Variants in PPP3CA observed in about 807,000 individuals in gnomAD.
PPP3CA encodes the protein CAM-PRP catalytic subunit.
Under a neutral mutation model 66.5 loss-of-function variants are expected in PPP3CA, and 14 were observed. That is an observed-to-expected ratio of 0.21 (90% CI 0.14 to 0.33). PPP3CA has a LOEUF of 0.33. Ranked by LOEUF, PPP3CA falls within the 10% of genes least tolerant of loss-of-function variation. The pLI, the probability that PPP3CA is intolerant of heterozygous loss-of-function variation, is 1.00. For missense variants in PPP3CA, 317 were observed against 639.5 expected (o/e 0.50, Z 5.44); for synonymous variants, 232 against 226.2 (o/e 1.03, Z -0.23).
chr4:101,113,412 G>T (rs553683026), intron 2 of PPP3CA, among the ~76,000 whole-genome samples: 1 of 152,054 alleles, frequency 6.6e-6, no homozygotes, highest in Non-Finnish European at 1.5e-5. Context: ...TATGTGTGGA[G>T]GAGATGAACA....
chr4:101,179,493 A>T (rs531584531), intron 2 of PPP3CA, among the ~76,000 whole-genome samples: 9 of 152,224 alleles, frequency 5.9e-5, no homozygotes, highest in African/African-American at 2.2e-4. Flanking sequence ...TAACTGCATC[A>T]TCCTAGACAT....
At chr4:101,135,783 C>G (rs1722603158) in intron 2 of PPP3CA, among the ~76,000 whole-genome samples, 1 of 152,122 alleles carries the variant, frequency 6.6e-6, no homozygotes, top group South Asian at 2.1e-4. Context: ...TGTGAAACAC[C>G]AAGTCGTTAT....
At chr4:101,292,465 C>G (rs1046716960) in intron 1 of PPP3CA, among the ~76,000 whole-genome samples, 1 of 152,186 alleles carries the variant, frequency 6.6e-6, no homozygotes, top group Non-Finnish European at 1.5e-5. Context: ...ACCACATGGC[C>G]TCTAAATCAG....
At chr4:101,289,259 T>A (rs1727943943) in intron 1 of PPP3CA, among the ~76,000 whole-genome samples, 1 of 152,216 alleles carries the variant, frequency 6.6e-6, no homozygotes. Context: ...ATAGGTGTAA[T>A]CATGGTTTGC....
intron 1 of PPP3CA, among the ~76,000 whole-genome samples, chr4:101,254,668 G>A (rs1726783453): frequency 6.6e-6 from 1 of 151,766 alleles, no homozygotes; most frequent in Non-Finnish European, 1.5e-5. Flanking sequence ...TTATCTAAAT[G>A]GACTCTGATC....
At chr4:101,206,593 C>A (rs1725137409) in intron 1 of PPP3CA, among the ~76,000 whole-genome samples, 1 of 152,136 alleles carries the variant, frequency 6.6e-6, no homozygotes, top group Admixed American at 6.5e-5. Context: ...AAATCTCACT[C>A]CAACCAATGA....
At chr4:101,070,519 T>G (rs976745672) in intron 8 of PPP3CA, among the ~76,000 whole-genome samples, 1 of 152,190 alleles carries the variant, frequency 6.6e-6, no homozygotes, top group Admixed American at 6.5e-5. Flanking sequence ...TTCTCCTTAT[T>G]TAGTCTTTAC....
chr4:101,113,072 G>A (rs1480464352), intron 2 of PPP3CA, among the ~76,000 whole-genome samples: 1 of 152,104 alleles, frequency 6.6e-6, no homozygotes, highest in African/African-American at 2.4e-5. Flanking sequence ...GGAAACCAAA[G>A]GCCTTCAACT....
chr4:101,311,144 TTA>T (rs1424114691), intron 1 of PPP3CA, among the ~76,000 whole-genome samples: 1 of 152,180 alleles, frequency 6.6e-6, no homozygotes, highest in Non-Finnish European at 1.5e-5. Flanking sequence ...AGAGATCAAT[TTA>T]TGTTTTTTAA....
At chr4:101,032,618 G>A (rs985478589) in intron 11 of PPP3CA, among the ~76,000 whole-genome samples, 1 of 151,992 alleles carries the variant, frequency 6.6e-6, no homozygotes, top group African/African-American at 2.4e-5. Flanking sequence ...GAGTATCGAA[G>A]CTAGATAGAT....
chr4:101,191,378 C>T (rs909622143), intron 2 of PPP3CA, among the ~76,000 whole-genome samples: 1 of 152,266 alleles, frequency 6.6e-6, no homozygotes, highest in African/African-American at 2.4e-5. Flanking sequence ...CATGCAGTCA[C>T]CTTTTATAAT....
intron 1 of PPP3CA, among the ~76,000 whole-genome samples, chr4:101,339,696 A>G (rs1385653498): frequency 6.6e-6 from 1 of 152,224 alleles, no homozygotes; most frequent in Non-Finnish European, 1.5e-5. Flanking sequence ...CATCTCATTC[A>G]AAAGAATTTA....
intron 2 of PPP3CA, among the ~76,000 whole-genome samples, chr4:101,167,614 A>G (rs1185656698): frequency 6.6e-6 from 1 of 152,196 alleles, no homozygotes; most frequent in Non-Finnish European, 1.5e-5. Flanking sequence ...GATAAGTGCA[A>G]TGGAGATTAT....
chr4:101,027,410 TC>T (rs1039609799), intron 13 of PPP3CA, among the ~76,000 whole-genome samples: 2 of 151,988 alleles, frequency 1.3e-5, no homozygotes, highest in South Asian at 2.1e-4. Context: ...AAATAGTTTT[TC>T]CCCCCTCTGC....
intron 1 of PPP3CA, among the ~76,000 whole-genome samples, chr4:101,224,238 TAA>T (rs1725712404): frequency 6.6e-6 from 1 of 151,786 alleles, no homozygotes. Flanking sequence ...ATGGCCACTC[TAA>T]TTATATGTCT....
intron 2 of PPP3CA, among the ~76,000 whole-genome samples, chr4:101,123,953 A>G (rs1174901856): frequency 6.6e-6 from 1 of 152,242 alleles, no homozygotes; most frequent in African/African-American, 2.4e-5. Context: ...GACAGCTAGA[A>G]TAACTGGTAC....
intron 2 of PPP3CA, among the ~76,000 whole-genome samples, chr4:101,113,919 G>T (rs1721760349): frequency 6.6e-6 from 1 of 152,074 alleles, no homozygotes; most frequent in Non-Finnish European, 1.5e-5. Context: ...AGGAGGCTAG[G>T]TCCTTTTTTC....
At position 101,204,635 on chromosome 4, in the gene PPP3CA, CAAAAAAAAAAAAAAAA is replaced by C. The variant is rs55925064; in HGVS notation, c.59-8535_59-8520del. 9.3e-5 allele frequency among the ~76,000 whole-genome samples: 10 copies of C among 107,832 alleles called. No homozygotes were observed. The East Asian group carries it at 2.7e-3, about 29-fold the overall frequency. The allele number at this position is 107,832 out of a possible 152,430, so 70.7% of individuals were successfully genotyped here. On this transcript the variant is annotated intron_variant, in intron 1 of 13. Transcript: ENST00000394854. ...TGGGCGACAGAGCAGGACTCCATCT[CAAAAAAAAAAAAAAAA>C]AAAAAAAAGTTATACACACAAGTCC... is the stretch of plus-strand genomic sequence containing the variant.
chr4:101,146,273 G>A (rs976579294), intron 2 of PPP3CA, among the ~76,000 whole-genome samples: 1 of 152,154 alleles, frequency 6.6e-6, no homozygotes, highest in African/African-American at 2.4e-5. Context: ...CATTTACCAA[G>A]TATTTCTGTG....
Sources: gnomAD v4.1 joint callset for allele counts (sites outside exome capture counted in the v4.1 genomes callset) on GRCh38, gnomAD v4.1.1 for gene constraint, MANE v1.5 for transcripts, NCBI Gene and HGNC (gene_info 2026-07-23, HGNC 2026-07-21) for gene names.